UNC79: variants seen among roughly 807,000 people sequenced by gnomAD.
The protein encoded by UNC79 is unc-79 subunit of NALCN channel complex, also known as protein unc-79 homolog.
In UNC79, 37 loss-of-function variants were observed where a neutral mutation model predicts 283.1. The observed-to-expected ratio is 0.13, with a 90% CI of 0.10 to 0.17. UNC79 has a LOEUF of 0.17. Among genes scored for constraint, UNC79 ranks in the 10% least tolerant of loss-of-function variants. The probability of loss-of-function intolerance (pLI) is 1.00; values close to 1 mark genes in which losing one functional copy is unlikely to be tolerated. For missense variants in UNC79, 2,272 were observed against 3,211.1 expected, an observed-to-expected ratio of 0.71 and a Z score of 7.07; for synonymous variants, 1,107 against 1,200.2, an observed-to-expected ratio of 0.92 and a Z score of 1.61.
intron 40 of UNC79, 30 bp from the exon 44 acceptor site, chr14:93,673,321 A>G (rs745708398): frequency 6.3e-7 from 1 of 1,593,798 alleles, no homozygotes; most frequent in Non-Finnish European, 8.6e-7. Flanking sequence ...TTCTAAAATC[A>G]CTTACCTCCT....
intron 1 of UNC79, among the ~76,000 whole-genome samples, chr14:93,363,726 C>CT (rs948735646): frequency 1.5e-3 from 230 of 148,880 alleles, no homozygotes; most frequent in African/African-American, 4.5e-3. Context: ...TAATGCCTTT[C>CT]TTTTTTTTTT....
chr14:93,492,636 G>T (rs1416873434), intron 5 of UNC79, among the ~76,000 whole-genome samples: 1 of 152,138 alleles, frequency 6.6e-6, no homozygotes, highest in Non-Finnish European at 1.5e-5. Flanking sequence ...TTACAGGCAT[G>T]AGCCACCATG....
intron 1 of UNC79, among the ~76,000 whole-genome samples, chr14:93,377,737 A>C (rs1288246731): frequency 6.6e-6 from 1 of 152,148 alleles, no homozygotes; most frequent in Non-Finnish European, 1.5e-5. Flanking sequence ...GGGGTAATCT[A>C]CTCATAATCC....
intron 1 of UNC79, among the ~76,000 whole-genome samples, chr14:93,368,634 C>T (rs2054381564): frequency 6.6e-6 from 1 of 152,046 alleles, no homozygotes; most frequent in African/African-American, 2.4e-5. Flanking sequence ...CCACACCCAG[C>T]TAAATTTTTG....
chr14:93,566,787 A>G lies in UNC79; in HGVS notation c.1756-5107A>G, dbSNP rs140415558. 9.5e-3 allele frequency among the ~76,000 whole-genome samples: 1,445 copies of G among 151,488 alleles called. 29 individuals carry two copies. The highest frequency in any genetic ancestry group is 0.033 in the African/African-American group (1,378 of 41,306). Reference sequence around the variant, plus strand: ...TGAGTAGCTGCGACTACAGGCACACACCACCATGTCCAGTAGAGATGGTAT... The same window carrying G: ...TGAGTAGCTGCGACTACAGGCACACGCCACCATGTCCAGTAGAGATGGTAT... On this transcript the variant is annotated intron_variant, in intron 14 of 48. Transcript: ENST00000555664.
chr14:93,638,063 A>G (rs1406494420), intron 32 of UNC79, among the ~76,000 whole-genome samples: 1 of 152,224 alleles, frequency 6.6e-6, no homozygotes, highest in African/African-American at 2.4e-5. Context: ...AATCCCATGA[A>G]TTTAAAGTAG....
intron 1 of UNC79, among the ~76,000 whole-genome samples, chr14:93,385,090 T>C (rs12433387): frequency 0.54 from 82,435 of 152,056 alleles, 22,930 homozygotes; most frequent in Admixed American, 0.65. Context: ...TATAGCTCTG[T>C]AGTGTATAAG....
At chr14:93,511,158 C>A (rs1333722257) in intron 7 of UNC79, among the ~76,000 whole-genome samples, 1 of 152,096 alleles carries the variant, frequency 6.6e-6, no homozygotes, top group East Asian at 1.9e-4. Context: ...CACTCACTCA[C>A]TATTATGAGA....
At chr14:93,337,103 G>A (rs1053081280) in intron 1 of UNC79, among the ~76,000 whole-genome samples, 1 of 152,208 alleles carries the variant, frequency 6.6e-6, no homozygotes, top group African/African-American at 2.4e-5. Context: ...GAACTTCCTT[G>A]ATGCCTTTCA....
At chr14:93,489,020 C>A (rs2058594751) in intron 5 of UNC79, among the ~76,000 whole-genome samples, 1 of 152,208 alleles carries the variant, frequency 6.6e-6, no homozygotes. Context: ...TGGCTCACTG[C>A]AGCCTTGACC....
intron 1 of UNC79, among the ~76,000 whole-genome samples, chr14:93,342,494 T>A (rs2053735077): frequency 6.6e-6 from 1 of 152,248 alleles, no homozygotes; most frequent in Non-Finnish European, 1.5e-5. Context: ...GCTGTGAGGA[T>A]CTCTGAAATA....
At chr14:93,614,622 GT>G (rs2066559686) in intron 27 of UNC79, among the ~76,000 whole-genome samples, 1 of 145,570 alleles carries the variant, frequency 6.9e-6, no homozygotes, top group African/African-American at 2.6e-5. Flanking sequence ...CCCGGCCACT[GT>G]TTGTGTGTGT....
chr14:93,566,406 G>A (rs2062882109), intron 14 of UNC79, among the ~76,000 whole-genome samples: 1 of 152,196 alleles, frequency 6.6e-6, no homozygotes, highest in South Asian at 2.1e-4. Flanking sequence ...ATTAGGCAAA[G>A]AGCGGGAATT....
chr14:93,635,255 G>A (rs1441468786), intron 31 of UNC79, among the ~76,000 whole-genome samples: 1 of 152,074 alleles, frequency 6.6e-6, no homozygotes, highest in South Asian at 2.1e-4. Flanking sequence ...CGTTTTGTAC[G>A]TGTACTACCT....
intron 14 of UNC79, among the ~76,000 whole-genome samples, chr14:93,555,707 ATTTC>A (rs1157342856): frequency 6.6e-6 from 1 of 152,120 alleles, no homozygotes; most frequent in Non-Finnish European, 1.5e-5. Context: ...CCTGGCCAAG[ATTTC>A]TTTCTCATTT....
At chr14:93,679,540 G>A (rs1430753473) in intron 41 of UNC79, among the ~76,000 whole-genome samples, 1 of 152,190 alleles carries the variant, frequency 6.6e-6, no homozygotes, top group East Asian at 1.9e-4. Context: ...AGTTATGAGA[G>A]ATCATATTGT....
chr14:93,651,434 C>T (rs557101687), intron 35 of UNC79, among the ~76,000 whole-genome samples: 1 of 152,222 alleles, frequency 6.6e-6, no homozygotes, highest in Non-Finnish European at 1.5e-5. Flanking sequence ...TTCATGAGAT[C>T]TTTAATTTCT....
intron 42 of UNC79, among the ~76,000 whole-genome samples, chr14:93,684,124 C>T (rs185462172): frequency 7.2e-5 from 11 of 152,286 alleles, no homozygotes; most frequent in Admixed American, 4.6e-4. Context: ...CTAGGGACTC[C>T]GCTGCTCCGT....
At chr14:93,416,684 G>T (rs2140060636) in intron 1 of UNC79, among the ~76,000 whole-genome samples, 1 of 152,228 alleles carries the variant, frequency 6.6e-6, no homozygotes, top group South Asian at 2.1e-4. Flanking sequence ...CTCAGGACTT[G>T]CTTTATGAAT....
Sources: allele counts gnomAD v4.1 joint callset (sites outside exome capture counted in the v4.1 genomes callset), GRCh38; gene constraint gnomAD v4.1.1; transcripts MANE v1.5; gene names NCBI Gene and HGNC (gene_info 2026-07-23, HGNC 2026-07-21).